The following SLC35B2 variants were observed in gnomAD, a reference collection of about 807,000 sequenced individuals.
SLC35B2 encodes the protein solute carrier family 35 member B2.
In SLC35B2, 19 loss-of-function variants were observed where a neutral mutation model predicts 37.9. That is an observed-to-expected ratio of 0.50 (90% CI 0.35 to 0.74). The LOEUF is 0.74. Among genes scored for constraint, SLC35B2 ranks in the 30% least tolerant of loss-of-function variants. The pLI is 0.01. For synonymous variants in SLC35B2, 277 were observed against 225.2 expected, an observed-to-expected ratio of 1.23 and a Z score of -2.06; for missense variants, 633 against 547.6, an observed-to-expected ratio of 1.16 and a Z score of -1.56.
In SLC35B2 at chr6:44,255,550, G is replaced by A. The variant is rs370612210; in HGVS notation, c.455C>T (p.Ser152Leu). The A allele has an allele frequency of 2.5e-6, 4 of 1,614,200 alleles. No homozygotes were observed. Among genetic ancestry groups the A allele is most frequent in the Non-Finnish European group, 3.4e-6 (4 of 1,180,046 alleles). The change falls in exon 4 of 4, where the codon TCG becomes TTG. Residue 152 changes from serine to leucine, a missense_variant. Ser to Leu is a moderately radical substitution (Grantham distance 145). Transcript: ENST00000393812. Reference sequence around the variant, plus strand: ...TCGGTTCATTAGCACCAGGAACTGCGAGTCCGTAAAGCGCTCACCCGGTGA... The same window carrying A: ...TCGGTTCATTAGCACCAGGAACTGCAAGTCCGTAAAGCGCTCACCCGGTGA... ...ATSPGERFTD[S>L]QFLVLMNRVL... is the part of the protein sequence containing the mutation.
chr6:44,255,114 C>T lies in SLC35B2; in HGVS notation c.891G>A (p.Met297Ile). 1.2e-6 allele frequency: 2 copies of T among 1,614,226 alleles called. No individual in the cohort carries two copies. The highest frequency in any genetic ancestry group is 1.7e-6 in the Non-Finnish European group (2 of 1,180,038). Residue 297 changes from methionine (M) to isoleucine (I), a missense_variant, in exon 4 of 4, where the codon ATG (methionine) becomes ATA (isoleucine). Met to Ile is a conservative substitution (Grantham distance 10). Coordinates refer to ENST00000393812, the MANE Select transcript of SLC35B2 (RefSeq NM_178148.4). ...CCCCAAACATCATCTGCACCGATGA[C>T]ATCTTATAGGCAAACAGGGCATCCT... is the stretch of plus-strand genomic sequence containing the variant. ...NWQDALFAYK[M>I]SSVQMMFGVN...
chr6:44,255,017 A>T lies in SLC35B2; in HGVS notation c.988T>A (p.Phe330Ile). 1.2e-6 allele frequency: 2 copies of T among 1,614,204 alleles called. No individual in the cohort carries two copies. The highest frequency in any genetic ancestry group is 1.7e-6 in the Non-Finnish European group (2 of 1,180,032). The change falls in exon 4 of 4, where the codon TTC becomes ATC. Residue 330 changes from phenylalanine (F) to isoleucine (I), a missense_variant. Coordinates refer to ENST00000393812, the MANE Select transcript of SLC35B2 (RefSeq NM_178148.4). Reference protein sequence around the residue: ...EQGALLEGTRFMGRHSEFAAH... With the variant: ...EQGALLEGTRIMGRHSEFAAH... ...GCAAACTCACTGTGTCGCCCCATGA[A>T]GCGGGTTCCCTCCAGTAGGGCCCCC...
Position 44,255,662 on chromosome 6 carries a change from G to T in SLC35B2, c.361-18C>A. 6.3e-7 allele frequency: 1 copy of T among 1,592,982 alleles called. No homozygotes were observed. The highest frequency in any genetic ancestry group is 1.1e-5 in the South Asian group (1 of 89,190). ...TAAGACACCTGTTGGGGAAGGTAGA[G>T]ACAAAGGAGACAATAAGCAAGATAA... On this transcript the variant is annotated intron_variant, in intron 3 of 3. Coordinates refer to ENST00000393812, the MANE Select transcript of SLC35B2 (RefSeq NM_178148.4).
Position 44,254,872 on chromosome 6 carries a change from G to C in SLC35B2, c.1133C>G (p.Ala378Gly). ...TIIMTLRQAF[A>G]ILLSCLLYGH... is the part of the protein sequence containing the mutation. Reference sequence around the variant, plus strand: ...ATAGAGAAGGCAGGAAAGAAGGATGGCAAAGGCCTGGCGGAGGGTCATGAT... The same window carrying C: ...ATAGAGAAGGCAGGAAAGAAGGATGCCAAAGGCCTGGCGGAGGGTCATGAT... Residue 378 changes from alanine (A) to glycine (G), a missense_variant, in exon 4 of 4, where the codon GCC (alanine) becomes GGC (glycine). Coordinates refer to ENST00000393812, the MANE Select transcript of SLC35B2 (RefSeq NM_178148.4). 6.2e-7 allele frequency: 1 copy of C among 1,614,192 alleles called. No individual in the cohort carries two copies. The highest frequency in any genetic ancestry group is 8.5e-7 in the Non-Finnish European group (1 of 1,180,032).
chr6:44,256,934 C>T, intron 1 of SLC35B2, 56 bp from the exon 2 acceptor site: 1 of 1,523,980 alleles, frequency 6.6e-7, no homozygotes, highest in Non-Finnish European at 8.8e-7. Context: ...CCTCCGCCCT[C>T]CAGAGGGGAC....
Position 44,257,380 on chromosome 6 carries a change from G to T in SLC35B2, c.11+20C>A. On this transcript the variant is annotated intron_variant, in intron 1 of 3. Transcript: ENST00000393812. ...CCCGGGGGCTCGGTCACGTGAGCTC[G>T]CTGCTGCCCTAGCCCCCACCTGGCG... 7.6e-7 allele frequency: 1 copy of T among 1,308,210 alleles called. No individual in the cohort carries two copies. The highest frequency in any genetic ancestry group is 9.8e-7 in the Non-Finnish European group (1 of 1,021,660). 81.0% of individuals were successfully genotyped at this position (1,308,210 alleles called of 1,614,324 possible).
intron 1 of SLC35B2, 89 bp downstream of exon 1, chr6:44,257,311 G>C: frequency 7.8e-7 from 1 of 1,288,320 alleles, no homozygotes; most frequent in Non-Finnish European, 9.9e-7. Context: ...CCGAGCAGCC[G>C]GGACCCCACC....
In SLC35B2 at chr6:44,254,364, GTC is replaced by G. The variant is rs1178044926; in HGVS notation, c.*340_*341del. ...TGCAGGTATTTGCAGAGGGGAGTGA[GTC>G]TGGAAGGTGGCAGAGCACAGCTAGG... is the stretch of plus-strand genomic sequence containing the variant. On this transcript the variant is annotated 3_prime_UTR_variant, in exon 4 of 4. Transcript: ENST00000393812. 3.7e-6 allele frequency: 1 copy of G among 271,412 alleles called. No homozygotes were observed. The highest frequency in any genetic ancestry group is 6.0e-5 in the South Asian group (1 of 16,570). The allele number at this position is 271,412 out of a possible 1,614,324, so 16.8% of individuals were successfully genotyped here. A position where few individuals can be genotyped will look rare whatever the true frequency, so the allele number is the denominator to read the frequency against.
chr6:44,255,864 C>T (rs1781390681), intron 3 of SLC35B2, among the ~76,000 whole-genome samples: 1 of 152,156 alleles, frequency 6.6e-6, no homozygotes, highest in African/African-American at 2.4e-5. Flanking sequence ...CAAGAACTCT[C>T]AGAATTGGGT....
Position 44,256,683 on chromosome 6 carries a change from AC to A in SLC35B2, c.205+1del. On this transcript the variant is annotated splice_donor_variant, in intron 2 of 3. Coordinates refer to ENST00000393812, the MANE Select transcript of SLC35B2 (RefSeq NM_178148.4). LOFTEE classifies it high-confidence loss of function. ...TCACTTCCCCGCCCTTTCTTCACAC[AC>A]CGGTCTCCAGGTAGTTCTTCCGCCT... The A allele has an allele frequency of 1.2e-6, 2 of 1,613,734 alleles. No individual in the cohort carries two copies. The highest frequency in any genetic ancestry group is 8.5e-7 in the Non-Finnish European group (1 of 1,179,902).
chr6:44,257,354 G>GC (rs1781674829), intron 1 of SLC35B2, 46 bp downstream of exon 1: 1 of 1,322,800 alleles, frequency 7.6e-7, no homozygotes, highest in South Asian at 2.1e-5. Context: ...CAGTCACGTG[G>GC]CCCGGGGGCT....
At position 44,255,630 on chromosome 6, in the gene SLC35B2, A is replaced by C. The variant is rs1141906; in HGVS notation, c.375T>G (p.Thr125=). The change falls in exon 4 of 4, where the codon ACT becomes ACG. Residue 125 remains threonine, a synonymous_variant. Coordinates refer to ENST00000393812, the MANE Select transcript of SLC35B2 (RefSeq NM_178148.4). ...CATGLQVSYL[T]WGVLQERVMT... ...TCACTCTTTCCTGCAGCACACCCCA[A>C]GTCAGATAAGACACCTGTTGGGGAA... The C allele has an allele frequency of 6.2e-7, 1 of 1,612,648 alleles. No individual in the cohort carries two copies. Among genetic ancestry groups the C allele is most frequent in the Non-Finnish European group, 8.5e-7 (1 of 1,179,110 alleles).
At chr6:44,257,024 T>C (rs1781600047) in intron 1 of SLC35B2, 146 bp from the exon 2 acceptor site, 2 of 915,380 alleles carry the variant, frequency 2.2e-6, no homozygotes, top group African/African-American at 1.7e-5. Context: ...TCTCTCTCTC[T>C]CTCTCTCTCG....
rs1184709006 is a variant in SLC35B2 at position 44,257,477 on chromosome 6, G to C, written c.-67C>G. ...AGTCCCCGGGCCGCGCGCCCCCTGC[G>C]CTCCCGCCGCCGCCTCCAGGAGCGG... On this transcript the variant is annotated 5_prime_UTR_variant, in exon 1 of 4. Coordinates refer to ENST00000393812, the MANE Select transcript of SLC35B2 (RefSeq NM_178148.4). 1 of 1,232,576 alleles carries C rather than the reference G, an allele frequency of 8.1e-7. No individual in the cohort carries two copies. The highest frequency in any genetic ancestry group is 1.0e-6 in the Non-Finnish European group (1 of 979,694). 76.4% of individuals were successfully genotyped at this position (1,232,576 alleles called of 1,614,324 possible).
rs933982132 is a variant in SLC35B2 at position 44,254,474 on chromosome 6, T to G, written c.*232A>C. ...CCCCAAACTCCCCAAAACCCCTCAC[T>G]GAGGACTGTCTACCCCCGGGGCTCA... On this transcript the variant is annotated 3_prime_UTR_variant, in exon 4 of 4. Transcript: ENST00000393812. 1 of 533,854 alleles carries G rather than the reference T, an allele frequency of 1.9e-6. No homozygotes were observed. 33.1% of individuals were successfully genotyped at this position (533,854 alleles called of 1,614,324 possible). A position where few individuals can be genotyped will look rare whatever the true frequency, so the allele number is the denominator to read the frequency against.
Position 44,254,674 on chromosome 6 carries a change from A to C in SLC35B2, c.*32T>G. 5 of 1,566,032 alleles carry C rather than the reference A, an allele frequency of 3.2e-6. No individual in the cohort carries two copies. The highest frequency in any genetic ancestry group is 3.5e-6 in the Non-Finnish European group (4 of 1,149,872). On this transcript the variant is annotated 3_prime_UTR_variant, in exon 4 of 4. Transcript: ENST00000393812. ...CAGAAGGGGATGGTGGGAGGGTCCTATTTCACTTCACCCCTCAGGCCCTTT... is the reference window on the plus strand; with the variant it reads ...CAGAAGGGGATGGTGGGAGGGTCCTCTTTCACTTCACCCCTCAGGCCCTTT...
At position 44,256,393 on chromosome 6, in the gene SLC35B2, G is replaced by A. The variant is rs2153327639; in HGVS notation, c.309C>T (p.Thr103=). ...GCTTCAGGGCCTGCCACATCGGGGT[G>A]GTCTCTGCCGCCTCTGTTCGGGGCG... ...PLAPRTEAAE[T]TPMWQALKLL... is the part of the protein sequence containing the mutation. Residue 103 remains threonine (T), a synonymous_variant, in exon 3 of 4, where the codon ACC becomes ACT. Transcript: ENST00000393812. 1.9e-6 allele frequency: 3 copies of A among 1,614,214 alleles called. No homozygotes were observed. Among genetic ancestry groups the A allele is most frequent in the South Asian group, 2.2e-5 (2 of 91,088 alleles).
chr6:44,254,669 G>A lies in SLC35B2; in HGVS notation c.*37C>T, dbSNP rs760331162. 6 of 1,567,688 alleles carry A rather than the reference G, an allele frequency of 3.8e-6. No individual in the cohort carries two copies. The highest frequency in any genetic ancestry group is 5.2e-6 in the Non-Finnish European group (6 of 1,153,636). ...TACAGCAGAAGGGGATGGTGGGAGG[G>A]TCCTATTTCACTTCACCCCTCAGGC... On this transcript the variant is annotated 3_prime_UTR_variant, in exon 4 of 4. Coordinates refer to ENST00000393812, the MANE Select transcript of SLC35B2 (RefSeq NM_178148.4).
rs1582996224 is a variant in SLC35B2, at chr6:44,254,738, C to T, written c.1267G>A (p.Val423Met). The T allele has an allele frequency of 6.2e-7, 1 of 1,613,678 alleles. No homozygotes were observed. The highest frequency in any genetic ancestry group is 1.1e-5 in the South Asian group (1 of 91,064). ...TTCTGCACAGGAGACTCAACAGGCACAGCCTTCTTTCCCCGTTGCTTTAGA... is the reference window on the plus strand; with the variant it reads ...TTCTGCACAGGAGACTCAACAGGCATAGCCTTCTTTCCCCGTTGCTTTAGA... Reference protein sequence around the residue: ...GRLKQRGKKAVPVESPVQKV With the variant: ...GRLKQRGKKAMPVESPVQKV The change falls in exon 4 of 4, where the codon GTG (valine) becomes ATG (methionine). Residue 423 changes from valine (V) to methionine (M), a missense_variant. Physicochemically the swap from Val to Met is conservative, Grantham distance 21. Coordinates refer to ENST00000393812, the MANE Select transcript of SLC35B2 (RefSeq NM_178148.4).
Sources: allele counts gnomAD v4.1 joint callset (sites outside exome capture counted in the v4.1 genomes callset), GRCh38; gene constraint gnomAD v4.1.1; transcripts MANE v1.5; gene names NCBI Gene and HGNC (gene_info 2026-07-23, HGNC 2026-07-21).